The following NRXN1 variants were observed in gnomAD, a reference collection of about 807,000 sequenced individuals.
NRXN1 encodes neurexin-1.
In NRXN1, 39 loss-of-function variants were observed where a neutral mutation model predicts 150.9. That is an observed-to-expected ratio of 0.26 (90% CI 0.20 to 0.34). NRXN1 has a LOEUF of 0.34. Ranked by LOEUF, NRXN1 falls within the 10% of genes least tolerant of loss-of-function variation. NRXN1 has a pLI of 1.00. For missense variants in NRXN1, 1,815 were observed against 1,949.9 expected, an observed-to-expected ratio of 0.93 and a Z score of 1.30; for synonymous variants, 924 against 757.0, an observed-to-expected ratio of 1.22 and a Z score of -3.62.
At chr2:50,497,224 G>C in intron 14 of NRXN1, 109 bp downstream of exon 14, 2 of 750,414 alleles carry the variant, frequency 2.7e-6, no homozygotes, top group Middle Eastern at 4.2e-4. Context: ...CACCTGCTCC[G>C]GCCCACCACC....
intron 2 of NRXN1, among the ~76,000 whole-genome samples, chr2:50,993,183 T>A (rs942478628): frequency 6.6e-6 from 1 of 151,958 alleles, no homozygotes; most frequent in Non-Finnish European, 1.5e-5. Flanking sequence ...TTATATATTG[T>A]CTATGAGAGA....
At chr2:50,457,389 A>G (rs931166121) in intron 17 of NRXN1, among the ~76,000 whole-genome samples, 1 of 152,138 alleles carries the variant, frequency 6.6e-6, no homozygotes, top group Non-Finnish European at 1.5e-5. Flanking sequence ...TTTAACAGAG[A>G]CTGTGGGTAC....
At chr2:50,094,875 C>T (rs1388052111) in intron 18 of NRXN1, among the ~76,000 whole-genome samples, 1 of 151,848 alleles carries the variant, frequency 6.6e-6, no homozygotes, top group Non-Finnish European at 1.5e-5. Flanking sequence ...AATGGAATTG[C>T]AGGTAAATTC....
chr2:50,114,433 T>G (rs1702763723), intron 18 of NRXN1, among the ~76,000 whole-genome samples: 1 of 152,156 alleles, frequency 6.6e-6, no homozygotes, highest in African/African-American at 2.4e-5. Flanking sequence ...ACAGTTACTT[T>G]GGAAGACATT....
intron 22 of NRXN1, among the ~76,000 whole-genome samples, chr2:49,923,360 C>G (rs1041006557): frequency 1.3e-5 from 2 of 152,112 alleles, no homozygotes; most frequent in African/African-American, 4.8e-5. Context: ...AATCTCTATC[C>G]TCTCGCTTGT....
intron 5 of NRXN1, among the ~76,000 whole-genome samples, chr2:50,645,353 A>T (rs1319378404): frequency 6.6e-6 from 1 of 152,058 alleles, no homozygotes; most frequent in Non-Finnish European, 1.5e-5. Flanking sequence ...AGAAAAAATA[A>T]ATAATACAAG....
chr2:50,454,813 A>C (rs75881961), intron 17 of NRXN1, among the ~76,000 whole-genome samples: 2,714 of 152,244 alleles, frequency 0.018, 100 homozygotes, highest in African/African-American at 0.063. Flanking sequence ...TAAACTACAG[A>C]TGAGAAATAA....
intron 21 of NRXN1, among the ~76,000 whole-genome samples, chr2:50,007,457 C>G (rs994271823): frequency 6.6e-6 from 1 of 152,052 alleles, no homozygotes; most frequent in African/African-American, 2.4e-5. Context: ...GTTCAAATCC[C>G]ACTTATGAGT....
intron 21 of NRXN1, among the ~76,000 whole-genome samples, chr2:49,993,913 G>C (rs920077113): frequency 6.6e-6 from 1 of 152,064 alleles, no homozygotes; most frequent in Non-Finnish European, 1.5e-5. Flanking sequence ...AGAAGAACTG[G>C]CTGTGGTGAT....
chr2:50,182,557 C>T (rs1481702898), intron 18 of NRXN1, among the ~76,000 whole-genome samples: 2 of 151,902 alleles, frequency 1.3e-5, no homozygotes, highest in Non-Finnish European at 2.9e-5. Context: ...CAAATTTGTC[C>T]ACATAAATTT....
chr2:49,966,127 A>C (rs1676922301), intron 21 of NRXN1, among the ~76,000 whole-genome samples: 1 of 152,176 alleles, frequency 6.6e-6, no homozygotes, highest in Non-Finnish European at 1.5e-5. Flanking sequence ...AATCATTCCA[A>C]ATTAGCAAAG....
At chr2:50,702,946 C>T (rs578007504) in intron 5 of NRXN1, among the ~76,000 whole-genome samples, 6 of 151,840 alleles carry the variant, frequency 4.0e-5, no homozygotes, top group African/African-American at 7.3e-5. Context: ...GTTCTGCTTC[C>T]CCCTTTATAA....
chr2:50,181,857 G>A lies in NRXN1; in HGVS notation c.3546+54932C>T, dbSNP rs145770315. Among the ~76,000 whole-genome samples the A allele has an allele frequency of 4.7e-4, 72 of 152,112 alleles. No individual in the cohort carries two copies. In the East Asian group the frequency reaches 0.011, roughly 24 times the overall value. Reference sequence around the variant, plus strand: ...CAGATTATCATGGAAAACGAGCATTGTTGTATGAACGTTTTTGTGACTACT... The same window carrying A: ...CAGATTATCATGGAAAACGAGCATTATTGTATGAACGTTTTTGTGACTACT... On this transcript the variant is annotated intron_variant, in intron 18 of 22. Transcript: ENST00000401669.
chr2:50,123,844 T>C (rs1224234374), intron 18 of NRXN1, among the ~76,000 whole-genome samples: 1 of 152,120 alleles, frequency 6.6e-6, no homozygotes, highest in Non-Finnish European at 1.5e-5. Flanking sequence ...CAGATGGATA[T>C]TGTGGAAGGA....
At chr2:50,065,884 T>C (rs890823115) in intron 19 of NRXN1, among the ~76,000 whole-genome samples, 52 of 152,176 alleles carry the variant, frequency 3.4e-4, no homozygotes, top group African/African-American at 1.2e-3. Flanking sequence ...CTGTACTTCA[T>C]TGACTTGTCA....
At chr2:50,352,229 G>A (rs940995568) in intron 17 of NRXN1, among the ~76,000 whole-genome samples, 3 of 152,170 alleles carry the variant, frequency 2.0e-5, no homozygotes, top group Non-Finnish European at 4.4e-5. Context: ...AATAGAAAGA[G>A]ATGGAAGAGG....
chr2:50,798,346 G>C (rs1291742231), intron 5 of NRXN1, among the ~76,000 whole-genome samples: 1 of 152,088 alleles, frequency 6.6e-6, no homozygotes, highest in East Asian at 1.9e-4. Flanking sequence ...TTCTTAACCA[G>C]AAATTGCTTT....
chr2:50,107,229 G>T, intron 18 of NRXN1, among the ~76,000 whole-genome samples: 1 of 145,532 alleles, frequency 6.9e-6, no homozygotes. Flanking sequence ...TTAATTCTTT[G>T]GAAGGACATG....
intron 5 of NRXN1, among the ~76,000 whole-genome samples, chr2:50,818,270 G>C (rs1444552596): frequency 6.6e-6 from 1 of 151,374 alleles, no homozygotes; most frequent in African/African-American, 2.4e-5. Context: ...GCTTTAGATA[G>C]TTTGGACATC....
Sources: gnomAD v4.1 joint callset for allele counts (sites outside exome capture counted in the v4.1 genomes callset) on GRCh38, gnomAD v4.1.1 for gene constraint, MANE v1.5 for transcripts, NCBI Gene and HGNC (gene_info 2026-07-23, HGNC 2026-07-21) for gene names.